RALGPS1: variants seen among roughly 807,000 people sequenced by gnomAD.
The protein encoded by RALGPS1 is ras-specific guanine nucleotide-releasing factor RalGPS1.
In RALGPS1, 19 loss-of-function variants were observed where a neutral mutation model predicts 78.8. The observed-to-expected ratio is 0.24, with a 90% CI of 0.17 to 0.35. The LOEUF is 0.35. RALGPS1 is among the 10% of genes least tolerant of loss of function. The pLI is 1.00. For missense variants in RALGPS1, 454 were observed against 688.3 expected, an observed-to-expected ratio of 0.66 and a Z score of 3.81; for synonymous variants, 228 against 256.3, an observed-to-expected ratio of 0.89 and a Z score of 1.06.
chr9:126,993,764 C>G (rs769359304), intron 4 of RALGPS1, among the ~76,000 whole-genome samples: 1 of 152,152 alleles, frequency 6.6e-6, no homozygotes, highest in Admixed American at 6.5e-5. Context: ...AGTAGCCTAA[C>G]TGGGAGGCAC....
At chr9:127,083,016 A>G (rs547582159) in intron 8 of RALGPS1, among the ~76,000 whole-genome samples, 1 of 152,292 alleles carries the variant, frequency 6.6e-6, no homozygotes, top group East Asian at 1.9e-4. Context: ...GATTTCCGGG[A>G]TAGTGCAGGG....
chr9:127,043,885 A>G (rs942914052), intron 5 of RALGPS1, among the ~76,000 whole-genome samples: 1 of 152,234 alleles, frequency 6.6e-6, no homozygotes, highest in African/African-American at 2.4e-5. Flanking sequence ...AAAACACTAC[A>G]TACCTATTAG....
intron 8 of RALGPS1, among the ~76,000 whole-genome samples, chr9:127,129,124 T>TTCTC (rs1048547673): frequency 1.6e-4 from 24 of 152,314 alleles, no homozygotes; most frequent in African/African-American, 5.3e-4. Context: ...CTGAGAATTT[T>TTCTC]AGCTGACTGG....
chr9:127,194,978 G>A (rs1476086307), intron 11 of RALGPS1, 113 bp from the exon 12 acceptor site: 7 of 1,308,114 alleles, frequency 5.4e-6, no homozygotes, highest in African/African-American at 2.9e-5. Flanking sequence ...TGACAGCTGG[G>A]CCAGTTGCTG....
intron 8 of RALGPS1, among the ~76,000 whole-genome samples, chr9:127,109,547 A>T (rs2054591152): frequency 6.6e-6 from 1 of 152,216 alleles, no homozygotes; most frequent in South Asian, 2.1e-4. Context: ...GTAGCCAGTG[A>T]CAGCACAGTC....
chr9:126,947,569 G>A (rs1243730714), intron 1 of RALGPS1, among the ~76,000 whole-genome samples: 1 of 152,204 alleles, frequency 6.6e-6, no homozygotes, highest in Non-Finnish European at 1.5e-5. Context: ...CCCCAGAGGA[G>A]GAAAGTGGAT....
intron 11 of RALGPS1, chr9:127,184,327 A>G: frequency 2.9e-6 from 1 of 348,748 alleles, no homozygotes. Context: ...CTCAGGAAAA[A>G]AAAAAAAAAG....
intron 8 of RALGPS1, among the ~76,000 whole-genome samples, chr9:127,134,282 C>G (rs1325262516): frequency 6.6e-6 from 1 of 152,132 alleles, no homozygotes; most frequent in Non-Finnish European, 1.5e-5. Context: ...AAATAGAATC[C>G]TGGAATTTGG....
chr9:127,036,876 G>A (rs527863461), intron 5 of RALGPS1, among the ~76,000 whole-genome samples: 118 of 152,268 alleles, frequency 7.7e-4, no homozygotes, highest in African/African-American at 2.6e-3. Context: ...ATACAAATTT[G>A]CATTTAATTT....
intron 4 of RALGPS1, among the ~76,000 whole-genome samples, chr9:127,023,401 A>C (rs538778211): frequency 2.0e-4 from 30 of 151,922 alleles, no homozygotes; most frequent in African/African-American, 6.8e-4. Context: ...TTTCTTTCCC[A>C]CTTGCCCTTA....
At chr9:127,150,392 G>A (rs1052273219) in intron 8 of RALGPS1, among the ~76,000 whole-genome samples, 3 of 152,186 alleles carry the variant, frequency 2.0e-5, no homozygotes, top group Non-Finnish European at 4.4e-5. Flanking sequence ...ACCCATTGCA[G>A]CCTTTGAATA....
chr9:127,019,660 A>G (rs984085005), intron 4 of RALGPS1, among the ~76,000 whole-genome samples: 1 of 152,140 alleles, frequency 6.6e-6, no homozygotes, highest in Non-Finnish European at 1.5e-5. Flanking sequence ...TACTAATAAT[A>G]TTCCATTGTA....
intron 8 of RALGPS1, among the ~76,000 whole-genome samples, chr9:127,089,910 GCCTGGCAAGGGGAC>G (rs1564555767): frequency 1.3e-5 from 2 of 152,194 alleles, no homozygotes; most frequent in South Asian, 4.1e-4. Context: ...TCCTGACTGG[GCCTGGCAAGGGGAC>G]CCCGTACTCA....
At chr9:126,934,792 C>T (rs567434665) in intron 1 of RALGPS1, among the ~76,000 whole-genome samples, 7 of 152,232 alleles carry the variant, frequency 4.6e-5, no homozygotes, top group African/African-American at 9.6e-5. Context: ...GGCAACCTCC[C>T]GTCAACCTCA....
At chr9:127,123,288 G>A (rs1414927109) in intron 8 of RALGPS1, among the ~76,000 whole-genome samples, 1 of 152,278 alleles carries the variant, frequency 6.6e-6, no homozygotes. Context: ...ACCACAGGCT[G>A]AGGGTGGAGG....
intron 4 of RALGPS1, among the ~76,000 whole-genome samples, chr9:127,005,387 G>C (rs2043742812): frequency 6.6e-6 from 1 of 152,212 alleles, no homozygotes; most frequent in African/African-American, 2.4e-5. Context: ...TGAAGCATCT[G>C]CTTTCTCTGG....
chr9:126,980,280 A>G (rs1288758918), intron 4 of RALGPS1, among the ~76,000 whole-genome samples: 2 of 152,220 alleles, frequency 1.3e-5, no homozygotes, highest in African/African-American at 4.8e-5. Flanking sequence ...AGAGGCCAGC[A>G]TCTGAGAGCA....
intron 4 of RALGPS1, among the ~76,000 whole-genome samples, chr9:126,988,231 G>A (rs2025956): frequency 0.38 from 58,194 of 151,876 alleles, 12,936 homozygotes; most frequent in Non-Finnish European, 0.48. Flanking sequence ...ACTGAAACCT[G>A]GCCATACAAG....
chr9:127,122,993 CAG>C lies in RALGPS1; in HGVS notation c.611-43075_611-43074del, dbSNP rs1457699685. ...GAGGCGGAGCGCTTCCCCTTTGACTCAGGGAATGGGTTTAGATCCGCTCCAGC... is the reference window on the plus strand; with the variant it reads ...GAGGCGGAGCGCTTCCCCTTTGACTCGGAATGGGTTTAGATCCGCTCCAGC... On this transcript the variant is annotated intron_variant, in intron 8 of 18. Transcript: ENST00000259351. This position sits in a 1 kb window ranked among gnomAD's most constrained non-coding sequence, Gnocchi z 6.4. 2 of 152,400 alleles carry C rather than the reference CAG, an allele frequency of 1.3e-5. No individual in the cohort carries two copies. The highest frequency in any genetic ancestry group is 4.8e-5 in the African/African-American group (2 of 41,478). 9.4% of individuals were successfully genotyped at this position (152,400 alleles called of 1,614,324 possible). A position where few individuals can be genotyped will look rare whatever the true frequency, so the allele number is the denominator to read the frequency against.
Sources: gnomAD v4.1 joint callset for allele counts (sites outside exome capture counted in the v4.1 genomes callset) on GRCh38, gnomAD v4.1.1 for gene constraint, Gnocchi (gnomAD v3.1) non-coding constraint, MANE v1.5 for transcripts, NCBI Gene and HGNC (gene_info 2026-07-23, HGNC 2026-07-21) for gene names.